Variants in EDIL3 observed in about 807,000 individuals in gnomAD.
EDIL3 encodes the protein EGF like and discoidin domains 3, also known as EGF-like repeat and discoidin I-like domain-containing protein 3.
A neutral mutation model predicts 67.4 loss-of-function variants in EDIL3; 37 were observed. The observed-to-expected ratio is 0.55, with a 90% CI of 0.42 to 0.72. EDIL3 has a LOEUF of 0.72. EDIL3 is among the 30% of genes least tolerant of loss of function. EDIL3 has a pLI of 0.00. For synonymous variants in EDIL3, 195 were observed against 196.3 expected, an observed-to-expected ratio of 0.99 and a Z score of 0.05; for missense variants, 527 against 586.3, an observed-to-expected ratio of 0.90 and a Z score of 1.04.
chr5:84,071,873 T>C (rs912498850), intron 6 of EDIL3, among the ~76,000 whole-genome samples: 2 of 152,002 alleles, frequency 1.3e-5, no homozygotes, highest in Non-Finnish European at 2.9e-5. Context: ...TGGAGACAGA[T>C]GAATAGAACA....
chr5:84,160,645 T>C (rs1179378308), intron 4 of EDIL3, among the ~76,000 whole-genome samples: 1 of 152,098 alleles, frequency 6.6e-6, no homozygotes, highest in Non-Finnish European at 1.5e-5. Flanking sequence ...GTTCTTTCCA[T>C]TGCTCCCAGT....
In EDIL3 at chr5:84,106,744, G is replaced by C. The variant is rs1349274206; in HGVS notation, c.556C>G (p.Leu186Val). 6.2e-7 allele frequency: 1 copy of C among 1,613,458 alleles called. No individual in the cohort carries two copies. The highest frequency in any genetic ancestry group is 8.5e-7 in the Non-Finnish European group (1 of 1,179,626). Residue 186 changes from leucine (L) to valine (V), a missense_variant, in exon 6 of 11, where the codon CTC becomes GTC. Physicochemically the swap from Leu to Val is conservative, Grantham distance 32. Around this residue, in one of 2 missense-constraint regions of EDIL3, gnomAD observed 494 missense variants for 522.5 expected, o/e 0.95. Transcript: ENST00000296591. ...GCATAGTAGGGATACCATTTTTGGA[G>C]TCCAAAAAGAGCTCGGTGAGTAGAG... Reference protein sequence around the residue: ...ASSTHRALFGLQKWYPYYARL... With the variant: ...ASSTHRALFGVQKWYPYYARL...
At chr5:84,236,526 A>G (rs916463058) in intron 2 of EDIL3, among the ~76,000 whole-genome samples, 3 of 152,088 alleles carry the variant, frequency 2.0e-5, no homozygotes, top group African/African-American at 7.2e-5. Context: ...TCAACTCCTT[A>G]GTATTTATTT....
At chr5:84,342,273 C>A (rs181392123) in intron 1 of EDIL3, among the ~76,000 whole-genome samples, 1 of 152,150 alleles carries the variant, frequency 6.6e-6, no homozygotes, top group East Asian at 1.9e-4. Context: ...ACAAATACTG[C>A]ATGTTCTCAC....
At chr5:84,207,391 A>C (rs1057369762) in intron 3 of EDIL3, among the ~76,000 whole-genome samples, 1 of 152,232 alleles carries the variant, frequency 6.6e-6, no homozygotes, top group Non-Finnish European at 1.5e-5. Context: ...TCATTGAAAT[A>C]AAAGAGGATA....
chr5:84,156,367 C>T (rs1748491450), intron 4 of EDIL3, among the ~76,000 whole-genome samples: 1 of 152,184 alleles, frequency 6.6e-6, no homozygotes, highest in South Asian at 2.1e-4. Flanking sequence ...ATAGCTTCTA[C>T]TTCCATTTCA....
At chr5:84,005,665 G>A (rs1318916352) in intron 9 of EDIL3, among the ~76,000 whole-genome samples, 1 of 151,848 alleles carries the variant, frequency 6.6e-6, no homozygotes, top group African/African-American at 2.4e-5. Context: ...GCATCAAAGC[G>A]ACATACCTCA....
intron 9 of EDIL3, among the ~76,000 whole-genome samples, chr5:84,051,011 C>T (rs1746325821): frequency 1.3e-5 from 2 of 152,222 alleles, no homozygotes; most frequent in Non-Finnish European, 2.9e-5. Context: ...GGACAGACTG[C>T]TTCCTCAAGT....
intron 4 of EDIL3, among the ~76,000 whole-genome samples, chr5:84,138,541 C>A (rs1167999822): frequency 6.6e-6 from 1 of 152,132 alleles, no homozygotes; most frequent in Non-Finnish European, 1.5e-5. Context: ...TATAACATAT[C>A]AAATGATAGT....
At chr5:84,211,355 G>A (rs985167286) in intron 3 of EDIL3, among the ~76,000 whole-genome samples, 1 of 152,172 alleles carries the variant, frequency 6.6e-6, no homozygotes, top group African/African-American at 2.4e-5. Context: ...ACCATAACTG[G>A]AAGCAGTCTG....
intron 4 of EDIL3, among the ~76,000 whole-genome samples, chr5:84,150,308 T>C (rs1414424379): frequency 1.3e-5 from 2 of 152,122 alleles, no homozygotes; most frequent in Non-Finnish European, 2.9e-5. Flanking sequence ...ATCAAATCCA[T>C]AAACTCCTGC....
chr5:84,081,757 A>G (rs1231626140), intron 6 of EDIL3, among the ~76,000 whole-genome samples: 1 of 148,416 alleles, frequency 6.7e-6, no homozygotes, highest in Non-Finnish European at 1.5e-5. Flanking sequence ...CAACCAAAAG[A>G]AAAAAAAACA....
chr5:84,239,502 A>C (rs10942345), intron 2 of EDIL3, among the ~76,000 whole-genome samples: 1 of 151,868 alleles, frequency 6.6e-6, no homozygotes, highest in South Asian at 2.1e-4. Context: ...GGTTTGTTAC[A>C]TATGTATACA....
At chr5:84,035,303 T>C (rs1191589138) in intron 9 of EDIL3, among the ~76,000 whole-genome samples, 1 of 152,160 alleles carries the variant, frequency 6.6e-6, no homozygotes, top group Non-Finnish European at 1.5e-5. Context: ...TTTCTCATGG[T>C]AGGATCATAA....
chr5:84,239,286 A>G (rs932744064), intron 2 of EDIL3, among the ~76,000 whole-genome samples: 10 of 152,226 alleles, frequency 6.6e-5, no homozygotes, highest in Non-Finnish European at 1.2e-4. Flanking sequence ...ATTTTAAAAT[A>G]TAGTAATGAG....
Position 83,942,718 on chromosome 5 carries a change from T to G in EDIL3, c.*701A>C, listed in dbSNP as rs900764749. 2 of 151,960 alleles carry G rather than the reference T, an allele frequency of 1.3e-5. No homozygotes were observed. Among genetic ancestry groups the G allele is most frequent in the African/African-American group, 4.8e-5 (2 of 41,406 alleles). 9.4% of individuals were successfully genotyped at this position (151,960 alleles called of 1,614,324 possible). On this transcript the variant is annotated 3_prime_UTR_variant, in exon 11 of 11. Transcript: ENST00000296591. ...GGCAGTCATGTTCTACATATATGAG[T>G]AAACATGACACTTCTTTTAGTCAAC... is the stretch of plus-strand genomic sequence containing the variant.
At chr5:84,119,964 A>C (rs1747741406) in intron 5 of EDIL3, among the ~76,000 whole-genome samples, 1 of 151,986 alleles carries the variant, frequency 6.6e-6, no homozygotes, top group African/African-American at 2.4e-5. Flanking sequence ...TCTGATTTCT[A>C]AGGACATAAA....
intron 10 of EDIL3, among the ~76,000 whole-genome samples, chr5:83,947,306 G>T (rs1744325865): frequency 6.6e-6 from 1 of 151,104 alleles, no homozygotes; most frequent in South Asian, 2.1e-4. Context: ...TGTTCTTAAG[G>T]GATAGAGGAC....
intron 6 of EDIL3, among the ~76,000 whole-genome samples, chr5:84,089,004 G>T (rs1019900759): frequency 6.6e-6 from 1 of 152,170 alleles, no homozygotes; most frequent in Admixed American, 6.5e-5. Flanking sequence ...CTCTTCTCTA[G>T]AGTCCTGCAA....
Sources: gnomAD v4.1 joint callset for allele counts (sites outside exome capture counted in the v4.1 genomes callset) on GRCh38, gnomAD v4.1.1 for gene constraint, gnomAD v4.1.1 regional missense constraint, MANE v1.5 for transcripts, NCBI Gene and HGNC (gene_info 2026-07-23, HGNC 2026-07-21) for gene names.